IP6K3: variants seen among roughly 807,000 people sequenced by gnomAD.
IP6K3 encodes the protein inositol hexakisphosphate kinase 3.
IP6K3 carries 20 observed loss-of-function variants against 28.8 expected under a neutral mutation model. The ratio of observed to expected loss-of-function variants is 0.70; its 90% confidence interval spans 0.49 to 1.01. IP6K3 has a LOEUF of 1.01. Among genes scored for constraint, IP6K3 ranks in the 50% least tolerant of loss-of-function variants. The pLI, the probability that IP6K3 is intolerant of heterozygous loss-of-function variation, is 0.00. For synonymous variants in IP6K3, 213 were observed against 221.3 expected (o/e 0.96, Z 0.33); for missense variants, 480 against 537.1 (o/e 0.89, Z 1.05).
Position 33,723,051 on chromosome 6 carries a change from G to T in IP6K3, c.902C>A (p.Pro301His). The change falls in exon 6 of 6, where the codon CCC (proline) becomes CAC (histidine). Residue 301 changes from proline to histidine, a missense_variant. Physicochemically the swap from Pro to His is moderately conservative, Grantham distance 77. Transcript: ENST00000293756. ...GSHLRRELLE[P>H]ILHQLRALLS... ...GAGGGCCCGGAGCTGGTGCAGGATG[G>T]GCTCCAGGAGCTCCCTCCGGAGGTG... 1 of 1,614,136 alleles carries T rather than the reference G, an allele frequency of 6.2e-7. No individual in the cohort carries two copies. The highest frequency in any genetic ancestry group is 8.5e-7 in the Non-Finnish European group (1 of 1,180,028).
upstream of IP6K3, among the ~76,000 whole-genome samples, chr6:33,747,283 C>T (rs1206412463): frequency 5.3e-5 from 8 of 152,196 alleles, no homozygotes; most frequent in African/African-American, 9.7e-5. The surrounding 1 kb of genome is among the most constrained non-coding windows in gnomAD (Gnocchi z 5.2). Context: ...TCTGCAAGAA[C>T]CTCACTGCAG....
At chr6:33,761,239 A>C in the IP6K3 span, among the ~76,000 whole-genome samples, 1 of 151,606 alleles carries the variant, frequency 6.6e-6, no homozygotes, top group Non-Finnish European at 1.5e-5. Context: ...GAGGTGGGGG[A>C]CATCAGCTTC....
At chr6:33,726,286 G>A (rs1766108735) in intron 4 of IP6K3, among the ~76,000 whole-genome samples, 2 of 152,176 alleles carry the variant, frequency 1.3e-5, no homozygotes, top group South Asian at 2.1e-4. Context: ...CTCACTGTGT[G>A]GGCCCCATGG....
At chr6:33,731,621 A>AC (rs201721849) in intron 2 of IP6K3, among the ~76,000 whole-genome samples, 1,585 of 151,960 alleles carry the variant, frequency 0.01, 22 homozygotes, top group African/African-American at 0.026. Flanking sequence ...TCCCTGTCAC[A>AC]CCCTCTGTGG....
chr6:33,738,350 C>G (rs943777593), intron 1 of IP6K3, among the ~76,000 whole-genome samples: 1 of 152,252 alleles, frequency 6.6e-6, no homozygotes, highest in Non-Finnish European at 1.5e-5. Context: ...ACCTGGGCCT[C>G]GTGCTGCTGC....
intron 5 of IP6K3, 25 bp downstream of exon 5, chr6:33,725,416 C>T (rs951825232): frequency 1.3e-5 from 20 of 1,594,092 alleles, no homozygotes; most frequent in African/African-American, 1.1e-4. Flanking sequence ...ATGTCCCCCC[C>T]TGTGGTGGGT....
At position 33,721,900 on chromosome 6, in the gene IP6K3, TAGAA is replaced by T. The variant is rs1765913344; in HGVS notation, c.*816_*819del. The T allele has an allele frequency of 6.6e-6, 1 of 152,382 alleles. No individual in the cohort carries two copies. 9.4% of individuals were successfully genotyped at this position (152,382 alleles called of 1,614,324 possible). A position where few individuals can be genotyped will look rare whatever the true frequency, so the allele number is the denominator to read the frequency against. ...CCAACCCACCCCCAAAATAAATAAA[TAGAA>T]AGCAGAGAGTAGAGCAGGACGTCAG... is the stretch of plus-strand genomic sequence containing the variant. On this transcript the variant is annotated 3_prime_UTR_variant, in exon 6 of 6. Coordinates refer to ENST00000293756, the MANE Select transcript of IP6K3 (RefSeq NM_054111.5).
At position 33,735,333 on chromosome 6, in the gene IP6K3, C is replaced by T. The variant is rs1005924688; in HGVS notation, c.144G>A (p.Gln48=). ...CCAGCGGCAGGGATTCATAGAACCT[C>T]TGCTCCCGGGAGACGAGGGGCTTGC... ...TVCKPLVSRE[Q]RFYESLPLAM... Residue 48 remains glutamine (Q), a synonymous_variant, in exon 2 of 6, where the codon CAG becomes CAA. Coordinates refer to ENST00000293756, the MANE Select transcript of IP6K3 (RefSeq NM_054111.5). The T allele has an allele frequency of 2.5e-6, 4 of 1,609,568 alleles. No individual in the cohort carries two copies. The highest frequency in any genetic ancestry group is 3.4e-6 in the Non-Finnish European group (4 of 1,177,914).
chr6:33,727,808 A>C (rs975069143), intron 3 of IP6K3: 3 of 983,000 alleles, frequency 3.1e-6, no homozygotes, highest in Non-Finnish European at 3.6e-6. Context: ...ACAGATATTT[A>C]ATTAAACAAA....
intron 4 of IP6K3, 145 bp from the exon 5 acceptor site, chr6:33,725,761 C>T: frequency 1.6e-6 from 1 of 615,986 alleles, no homozygotes; most frequent in Non-Finnish European, 2.7e-6. Flanking sequence ...CAGACAAGCT[C>T]ATCCTTGCTA....
Position 33,725,449 on chromosome 6 carries a change from C to G in IP6K3, c.757G>C (p.Gly253Arg), listed in dbSNP as rs767577451. The change falls in exon 5 of 6, where the codon GGC (glycine) becomes CGC (arginine). Residue 253 changes from glycine to arginine, a missense_variant. Gly to Arg is a moderately radical substitution (Grantham distance 125). Coordinates refer to ENST00000293756, the MANE Select transcript of IP6K3 (RefSeq NM_054111.5). ...TSACLGVRIC[G>R]MQVYQTDKKY... is the part of the protein sequence containing the mutation. ...GGTCCCCTGCGACCTACCTGCATGC[C>G]GCAGATGCGCACACCCAGGCAGGCT... 1.9e-6 allele frequency: 3 copies of G among 1,609,732 alleles called. No individual in the cohort carries two copies. The highest frequency in any genetic ancestry group is 2.5e-6 in the Non-Finnish European group (3 of 1,179,476).
At chr6:33,729,133 G>T (rs1378377004) in intron 2 of IP6K3, among the ~76,000 whole-genome samples, 1 of 152,206 alleles carries the variant, frequency 6.6e-6, no homozygotes, top group African/African-American at 2.4e-5. Flanking sequence ...CTGGACATTG[G>T]TCGGGCTTGA....
At chr6:33,759,872 A>T in the IP6K3 span, among the ~76,000 whole-genome samples, 6 of 141,420 alleles carry the variant, frequency 4.2e-5, no homozygotes, top group Non-Finnish European at 7.8e-5. Flanking sequence ...GACTCCGTCT[A>T]AAAAAAAAAA....
chr6:33,742,551 C>T lies in IP6K3; in HGVS notation c.-180+4207G>A, dbSNP rs1440503983. 3.9e-5 allele frequency among the ~76,000 whole-genome samples: 6 copies of T among 152,120 alleles called. No individual in the cohort carries two copies. The East Asian group carries it at 1.2e-3, about 29-fold the overall frequency. ...GGGTGAGGGCTCCCACCCGGGGGGC[C>T]TGCCAAGACCTTACCCAAATCCTCA... On this transcript the variant is annotated intron_variant, in intron 1 of 5. Coordinates refer to ENST00000293756, the MANE Select transcript of IP6K3 (RefSeq NM_054111.5). This position sits in a 1 kb window ranked among gnomAD's most constrained non-coding sequence, Gnocchi z 4.5.
intron 2 of IP6K3, among the ~76,000 whole-genome samples, chr6:33,732,510 C>T (rs1430582447): frequency 6.6e-6 from 1 of 152,230 alleles, no homozygotes; most frequent in Non-Finnish European, 1.5e-5. Context: ...GACCCCTGAA[C>T]ACTGACACCC....
At chr6:33,734,096 C>T (rs370700647) in intron 2 of IP6K3, among the ~76,000 whole-genome samples, 2 of 151,060 alleles carry the variant, frequency 1.3e-5, no homozygotes, top group East Asian at 2.0e-4. Context: ...CCAGTTACTC[C>T]GGAGGCTGAG....
At chr6:33,726,567 G>A (rs941888441) in intron 4 of IP6K3, among the ~76,000 whole-genome samples, 164 bp downstream of exon 4, 2 of 152,168 alleles carry the variant, frequency 1.3e-5, no homozygotes, top group Non-Finnish European at 2.9e-5. Context: ...TCTAGGACCC[G>A]GGTTTGAGGG....
In IP6K3 at chr6:33,725,422, T is replaced by C. The variant is rs746879591; in HGVS notation, c.765+19A>G. 1.9e-6 allele frequency: 3 copies of C among 1,597,662 alleles called. No individual in the cohort carries two copies. The highest frequency in any genetic ancestry group is 2.2e-5 in the South Asian group (2 of 90,052). Reference sequence around the variant, plus strand: ...CGTGCCGGGATGTCCCCCCCTGTGGTGGGTCCCCTGCGACCTACCTGCATG... The same window carrying C: ...CGTGCCGGGATGTCCCCCCCTGTGGCGGGTCCCCTGCGACCTACCTGCATG... On this transcript the variant is annotated intron_variant, in intron 5 of 5. Transcript: ENST00000293756.
chr6:33,733,702 C>T (rs749952502), intron 2 of IP6K3, among the ~76,000 whole-genome samples: 1 of 152,260 alleles, frequency 6.6e-6, no homozygotes. Flanking sequence ...CGGGAAGACC[C>T]CAGGGAGAGG....
Sources: gnomAD v4.1 joint callset for allele counts (sites outside exome capture counted in the v4.1 genomes callset) on GRCh38, gnomAD v4.1.1 for gene constraint, Gnocchi (gnomAD v3.1) non-coding constraint, MANE v1.5 for transcripts, NCBI Gene and HGNC (gene_info 2026-07-23, HGNC 2026-07-21) for gene names.